The following NUDCD3 variants were observed in gnomAD, a reference collection of about 807,000 sequenced individuals.
NUDCD3 encodes the protein NudC domain containing 3.
A neutral mutation model predicts 39.7 loss-of-function variants in NUDCD3; 13 were observed. The ratio of observed to expected loss-of-function variants is 0.33; its 90% CI spans 0.21 to 0.52. The LOEUF (loss-of-function observed/expected upper bound fraction) is 0.52, where lower values mean the gene tolerates loss of function less well. Among genes scored for constraint, NUDCD3 ranks in the 20% least tolerant of loss-of-function variants. The pLI, the probability that NUDCD3 is intolerant of heterozygous loss-of-function variation, is 0.96. For synonymous variants in NUDCD3, 175 were observed against 172.4 expected (o/e 1.02, Z -0.12); for missense variants, 453 against 458.1 (o/e 0.99, Z 0.10).
At chr7:44,422,111 C>G (rs1395219553) in intron 3 of NUDCD3, among the ~76,000 whole-genome samples, 1 of 152,176 alleles carries the variant, frequency 6.6e-6, no homozygotes, top group African/African-American at 2.4e-5. Flanking sequence ...AGACAACATA[C>G]CAGAATCTCT....
chr7:44,464,327 C>T (rs185878844), intron 2 of NUDCD3, among the ~76,000 whole-genome samples: 1 of 152,188 alleles, frequency 6.6e-6, no homozygotes, highest in African/African-American at 2.4e-5. Context: ...AAAAAGAGCG[C>T]CACAGTCCCA....
chr7:44,460,271 TAAC>T (rs1157114025), intron 2 of NUDCD3, among the ~76,000 whole-genome samples: 3 of 152,280 alleles, frequency 2.0e-5, no homozygotes, highest in African/African-American at 4.8e-5. Flanking sequence ...AAGTAGGAAA[TAAC>T]AACAGTAAAT....
chr7:44,454,920 C>A (rs931022663), intron 2 of NUDCD3, among the ~76,000 whole-genome samples: 1 of 151,544 alleles, frequency 6.6e-6, no homozygotes, highest in African/African-American at 2.4e-5. Flanking sequence ...GGTGACAGAA[C>A]AGGACCCTGT....
intron 5 of NUDCD3, among the ~76,000 whole-genome samples, chr7:44,391,389 A>C (rs1005376707): frequency 2.0e-5 from 3 of 152,222 alleles, no homozygotes; most frequent in Non-Finnish European, 4.4e-5. Context: ...GGGCTTGCAG[A>C]ACCACCTACG....
At chr7:44,430,268 T>C (rs940501465) in intron 2 of NUDCD3, among the ~76,000 whole-genome samples, 6 of 152,146 alleles carry the variant, frequency 3.9e-5, no homozygotes, top group Non-Finnish European at 7.3e-5. Context: ...GCAGCAGCAC[T>C]AGCCTGACCC....
At chr7:44,406,686 ATGTC>A (rs1798826626) in intron 3 of NUDCD3, among the ~76,000 whole-genome samples, 1 of 152,200 alleles carries the variant, frequency 6.6e-6, no homozygotes, top group East Asian at 1.9e-4. Context: ...CCAGGTGAAG[ATGTC>A]ACACTGGGAA....
chr7:44,474,217 G>T (rs1243838054), intron 2 of NUDCD3, among the ~76,000 whole-genome samples: 1 of 149,016 alleles, frequency 6.7e-6, no homozygotes, highest in Non-Finnish European at 1.5e-5. Context: ...ATAAAAAGAA[G>T]AACTATTATT....
intron 2 of NUDCD3, among the ~76,000 whole-genome samples, chr7:44,479,817 G>C (rs1800451481): frequency 6.6e-6 from 1 of 152,212 alleles, no homozygotes; most frequent in Non-Finnish European, 1.5e-5. Context: ...AAACCATCCT[G>C]AACACTGGTG....
At chr7:44,420,685 G>C (rs971940827) in intron 3 of NUDCD3, among the ~76,000 whole-genome samples, 1 of 152,180 alleles carries the variant, frequency 6.6e-6, no homozygotes. Context: ...AGACAGTGAA[G>C]GCCAATATTC....
chr7:44,464,743 C>G (rs1016063662), intron 2 of NUDCD3, among the ~76,000 whole-genome samples: 1 of 152,156 alleles, frequency 6.6e-6, no homozygotes, highest in Non-Finnish European at 1.5e-5. Flanking sequence ...TGTGAGACAC[C>G]ATGCCCGGCC....
intron 2 of NUDCD3, among the ~76,000 whole-genome samples, chr7:44,469,705 C>G (rs1436862274): frequency 6.6e-6 from 1 of 152,124 alleles, no homozygotes; most frequent in Non-Finnish European, 1.5e-5. Flanking sequence ...GGGACAAATC[C>G]TGGCATGACA....
chr7:44,442,025 C>T (rs7792801), intron 2 of NUDCD3, among the ~76,000 whole-genome samples: 20,569 of 152,150 alleles, frequency 0.14, 1,721 homozygotes, highest in Non-Finnish European at 0.19. Context: ...ATTTATAAAA[C>T]TTACAAAATG....
At chr7:44,441,841 C>T (rs146310392) in intron 2 of NUDCD3, among the ~76,000 whole-genome samples, 1 of 152,294 alleles carries the variant, frequency 6.6e-6, no homozygotes, top group East Asian at 1.9e-4. Context: ...AGGAGCTGGA[C>T]ATTCACACAG....
chr7:44,484,117 C>T (rs1354532385), intron 2 of NUDCD3, among the ~76,000 whole-genome samples: 1 of 152,156 alleles, frequency 6.6e-6, no homozygotes, highest in African/African-American at 2.4e-5. Context: ...GATTTGGGGG[C>T]ACACAGGTGA....
chr7:44,453,035 G>A (rs572340800), intron 2 of NUDCD3, among the ~76,000 whole-genome samples: 34 of 152,280 alleles, frequency 2.2e-4, no homozygotes, highest in Non-Finnish European at 3.8e-4. Context: ...CAGCTCAGAC[G>A]GCTGGGAAGA....
At chr7:44,463,391 T>G (rs1250963335) in intron 2 of NUDCD3, among the ~76,000 whole-genome samples, 1 of 152,090 alleles carries the variant, frequency 6.6e-6, no homozygotes, top group African/African-American at 2.4e-5. Flanking sequence ...GCAGCTGACA[T>G]AGTCCATGCC....
intron 2 of NUDCD3, chr7:44,468,003 G>A (rs1800157929): frequency 7.4e-6 from 12 of 1,612,676 alleles, no homozygotes; most frequent in African/African-American, 2.7e-5. Flanking sequence ...CGTAACTGGC[G>A]GAAACCCAGA....
At chr7:44,450,353 T>A (rs1393424079) in intron 2 of NUDCD3, among the ~76,000 whole-genome samples, 1 of 152,012 alleles carries the variant, frequency 6.6e-6, no homozygotes, top group Non-Finnish European at 1.5e-5. Context: ...AATTTTTGTA[T>A]GTTTAGTAGA....
At chr7:44,386,289 G>C (rs900769377) in intron 5 of NUDCD3, among the ~76,000 whole-genome samples, 168 bp from the exon 6 acceptor site, 2 of 152,176 alleles carry the variant, frequency 1.3e-5, no homozygotes, top group African/African-American at 4.8e-5. Context: ...AGCAGCCTTC[G>C]ACCAAGGGAG....
Sources: gnomAD v4.1 joint callset for allele counts (sites outside exome capture counted in the v4.1 genomes callset) on GRCh38, gnomAD v4.1.1 for gene constraint, MANE v1.5 for transcripts, NCBI Gene and HGNC (gene_info 2026-07-23, HGNC 2026-07-21) for gene names.